Variants in AATF observed in about 807,000 individuals in gnomAD.
AATF encodes protein AATF.
Under a neutral mutation model 63.7 loss-of-function variants are expected in AATF, and 48 were observed. The observed-to-expected ratio is 0.75, with a 90% CI of 0.60 to 0.96. AATF has a LOEUF of 0.96. Ranked by LOEUF, AATF falls within the 40% of genes least tolerant of loss-of-function variation. The pLI, the probability that AATF is intolerant of heterozygous loss-of-function variation, is 0.00. For synonymous variants in AATF, 258 were observed against 247.7 expected (o/e 1.04, Z -0.39); for missense variants, 639 against 685.7 (o/e 0.93, Z 0.76).
At chr17:36,954,086 G>A (rs1292491192) in intron 4 of AATF, among the ~76,000 whole-genome samples, 179 bp downstream of exon 4, 1 of 32,832 alleles carries the variant, frequency 3.0e-5, no homozygotes, top group African/African-American at 1.4e-4. Flanking sequence ...TTTTTTTTTT[G>A]AGACAGAGTC....
intron 11 of AATF, chr17:37,052,903 AT>A (rs1227046990): frequency 6.6e-6 from 1 of 152,248 alleles, no homozygotes; most frequent in Non-Finnish European, 1.5e-5. Context: ...TTCCAGCAGA[AT>A]CGCTGGAGAA....
At chr17:36,988,168 T>A (rs905464618) in intron 5 of AATF, among the ~76,000 whole-genome samples, 24 of 151,946 alleles carry the variant, frequency 1.6e-4, no homozygotes, top group Non-Finnish European at 3.2e-4. Context: ...ATGAAAAAAA[T>A]TAGTCGGGCA....
chr17:36,992,814 A>G (rs988093063), intron 8 of AATF, among the ~76,000 whole-genome samples: 4 of 152,232 alleles, frequency 2.6e-5, no homozygotes, highest in African/African-American at 9.6e-5. Flanking sequence ...AATAGAGGTC[A>G]GCAAGGCAGC....
intron 11 of AATF, among the ~76,000 whole-genome samples, chr17:37,038,989 A>G (rs11871099): frequency 0.27 from 41,818 of 152,088 alleles, 8,348 homozygotes; most frequent in African/African-American, 0.57. Flanking sequence ...ATTTATCTTC[A>G]GCTTGCCATT....
intron 4 of AATF, among the ~76,000 whole-genome samples, chr17:36,960,021 T>C (rs948575486): frequency 1.1e-4 from 16 of 150,658 alleles, no homozygotes; most frequent in African/African-American, 4.0e-4. Flanking sequence ...CTAAAATTTT[T>C]TTCCCCCCCC....
At chr17:36,969,613 A>G (rs2071023391) in intron 4 of AATF, among the ~76,000 whole-genome samples, 1 of 152,180 alleles carries the variant, frequency 6.6e-6, no homozygotes, top group Non-Finnish European at 1.5e-5. Flanking sequence ...TGCTTAGGTT[A>G]GCTAAGTCAG....
chr17:36,956,752 G>A (rs184046000), intron 4 of AATF, among the ~76,000 whole-genome samples: 2 of 152,100 alleles, frequency 1.3e-5, no homozygotes, highest in Admixed American at 6.5e-5. Context: ...TGAGGCAGGC[G>A]GATCACTTTA....
At chr17:36,994,443 G>C (rs151092205) in intron 8 of AATF, among the ~76,000 whole-genome samples, 2 of 152,292 alleles carry the variant, frequency 1.3e-5, no homozygotes, top group East Asian at 1.9e-4. Context: ...TTTGTTACCG[G>C]TTTGTTTGGA....
intron 4 of AATF, among the ~76,000 whole-genome samples, chr17:36,961,501 C>T (rs1403889024): frequency 6.6e-6 from 1 of 151,980 alleles, no homozygotes; most frequent in African/African-American, 2.4e-5. Flanking sequence ...TTCCTTTTTT[C>T]ATGTTAAGTC....
intron 10 of AATF, among the ~76,000 whole-genome samples, chr17:37,029,476 G>C (rs1451992590): frequency 1.3e-5 from 2 of 152,042 alleles, no homozygotes; most frequent in African/African-American, 4.8e-5. Context: ...TTAAACTCCT[G>C]ACCTCAGGTG....
chr17:36,996,817 G>A (rs373729408), intron 8 of AATF, among the ~76,000 whole-genome samples: 1 of 152,144 alleles, frequency 6.6e-6, no homozygotes, highest in African/African-American at 2.4e-5. Flanking sequence ...GAGCGTCAAG[G>A]TAAGGTGCAC....
At chr17:36,965,319 C>A (rs2070982855) in intron 4 of AATF, among the ~76,000 whole-genome samples, 1 of 152,138 alleles carries the variant, frequency 6.6e-6, no homozygotes. Context: ...ATTCTTTGCT[C>A]ATGGTCCTCT....
At chr17:36,974,245 G>A (rs980199129) in intron 4 of AATF, among the ~76,000 whole-genome samples, 2 of 152,068 alleles carry the variant, frequency 1.3e-5, no homozygotes, top group African/African-American at 4.8e-5. Flanking sequence ...ACTCTATTCT[G>A]TAATTTGTTT....
At chr17:36,985,146 CCCGCCT>C (rs1456868446) in intron 4 of AATF, among the ~76,000 whole-genome samples, 1 of 152,108 alleles carries the variant, frequency 6.6e-6, no homozygotes, top group African/African-American at 2.4e-5. Flanking sequence ...AGATGATCCA[CCCGCCT>C]CCGCCTCCCA....
At position 37,031,664 on chromosome 17, in the gene AATF, C is replaced by T. The variant is rs771095646; in HGVS notation, c.1598C>T (p.Thr533Ile). Residue 533 changes from threonine (T) to isoleucine (I), a missense_variant, in exon 11 of 12, where the codon ACT (threonine) becomes ATT (isoleucine). Coordinates refer to ENST00000619387, the MANE Select transcript of AATF (RefSeq NM_012138.4). Reference protein sequence around the residue: ...LLSFMAPIDHTTMNDDARTEL... With the variant: ...LLSFMAPIDHITMNDDARTEL... ...AGTTTCATGGCACCTATTGACCATA[C>T]TACAATGAATGATGATGCCAGGTGA... 34 of 1,613,940 alleles carry T rather than the reference C, an allele frequency of 2.1e-5. No homozygotes were observed. The highest frequency in any genetic ancestry group is 2.8e-5 in the Non-Finnish European group (33 of 1,179,938).
intron 2 of AATF, 100 bp downstream of exon 2, chr17:36,950,505 G>T: frequency 8.0e-7 from 1 of 1,243,272 alleles, no homozygotes; most frequent in Non-Finnish European, 1.1e-6. Flanking sequence ...GTAGTCTGCG[G>T]ATCTTTTTTT....
chr17:36,982,723 C>A (rs1005800952), intron 4 of AATF, among the ~76,000 whole-genome samples: 2 of 152,146 alleles, frequency 1.3e-5, no homozygotes, highest in African/African-American at 4.8e-5. Context: ...TAAAGCTTAT[C>A]ATTTTAAGTG....
intron 8 of AATF, among the ~76,000 whole-genome samples, chr17:37,002,890 C>T (rs2071311971): frequency 6.9e-6 from 1 of 145,974 alleles, no homozygotes; most frequent in Non-Finnish European, 1.5e-5. Flanking sequence ...TCCCTATCAA[C>T]ATTCCTGTTG....
chr17:37,007,359 ATTT>A (rs71368436), intron 8 of AATF, among the ~76,000 whole-genome samples: 22 of 112,572 alleles, frequency 2.0e-4, no homozygotes, highest in South Asian at 2.8e-4. Context: ...GGCTAATTTA[ATTT>A]TTTTTTTTTT....
Sources: gnomAD v4.1 joint callset for allele counts (sites outside exome capture counted in the v4.1 genomes callset) on GRCh38, gnomAD v4.1.1 for gene constraint, MANE v1.5 for transcripts, NCBI Gene and HGNC (gene_info 2026-07-23, HGNC 2026-07-21) for gene names.